The following RYR3 variants were observed in gnomAD, a reference collection of about 807,000 sequenced individuals.
RYR3 encodes brain ryanodine receptor-calcium release channel.
In RYR3, 207 loss-of-function variants were observed where a neutral mutation model predicts 584.3. The ratio of observed to expected loss-of-function variants is 0.35; its 90% confidence interval spans 0.32 to 0.40. RYR3 has a LOEUF of 0.40. RYR3 is among the 10% of genes least tolerant of loss of function. The pLI, the probability that RYR3 is intolerant of heterozygous loss-of-function variation, is 1.00. For missense variants in RYR3, 5,616 were observed against 6,089.2 expected, an observed-to-expected ratio of 0.92 and a Z score of 2.59; for synonymous variants, 2,416 against 2,248.5, an observed-to-expected ratio of 1.07 and a Z score of -2.11.
At chr15:33,522,107 A>C (rs1477890232) in intron 3 of RYR3, among the ~76,000 whole-genome samples, 3 of 150,644 alleles carry the variant, frequency 2.0e-5, no homozygotes, top group Admixed American at 6.6e-5. Context: ...AAAAAAAAAA[A>C]AAAAAACTAG....
chr15:33,827,155 C>G (rs945050300), intron 84 of RYR3, 44 bp from the exon 85 acceptor site: 4 of 1,499,378 alleles, frequency 2.7e-6, no homozygotes, highest in Non-Finnish European at 3.6e-6. Context: ...TTGGCCCCCT[C>G]GGCATGGCAG....
rs2077326239 is a variant in RYR3, at chr15:33,825,452, A to ATCAT, written c.11073-149_11073-146dup. The ATCAT allele has an allele frequency of 1.1e-4, 59 of 548,066 alleles. 1 individual carries two copies. In the South Asian group the frequency reaches 1.3e-3, roughly 12 times the overall value. The allele number at this position is 548,066 out of a possible 1,614,324, so 34.0% of individuals were successfully genotyped here. A position where few individuals can be genotyped will look rare whatever the true frequency, so the allele number is the denominator to read the frequency against. ...ACACTGCTCGGCACAAAACCAAGGAATCATTAGACTTGCAACCACCCTGGA... is the reference window on the plus strand; with the variant it reads ...ACACTGCTCGGCACAAAACCAAGGAATCATTCATTAGACTTGCAACCACCCTGGA... On this transcript the variant is annotated intron_variant, in intron 81 of 103. Coordinates refer to ENST00000634891, the MANE Select transcript of RYR3 (RefSeq NM_001036.6).
At chr15:33,331,220 T>C (rs1195265202) in intron 1 of RYR3, among the ~76,000 whole-genome samples, 4 of 152,212 alleles carry the variant, frequency 2.6e-5, no homozygotes, top group Admixed American at 6.5e-5. Flanking sequence ...AGAGTAATCT[T>C]TTAAAACGAG....
chr15:33,586,614 C>T (rs920800803), intron 16 of RYR3, among the ~76,000 whole-genome samples: 1 of 152,204 alleles, frequency 6.6e-6, no homozygotes, highest in Admixed American at 6.5e-5. Flanking sequence ...GCAAGCAGAA[C>T]TGAAGCCACT....
rs139697178 is a variant in RYR3 at position 33,770,953 on chromosome 15, T to C, written c.8817-967T>C. ...AGATGACTTGTAAGCTTTGTTCCAA[T>C]TCTAAGTTTTATGAAATACTGTAGT... On this transcript the variant is annotated intron_variant, in intron 62 of 103. Coordinates refer to ENST00000634891, the MANE Select transcript of RYR3 (RefSeq NM_001036.6). Among the ~76,000 whole-genome samples the C allele has an allele frequency of 6.2e-4, 95 of 152,346 alleles. 2 individuals carry two copies. In the East Asian group the frequency reaches 0.018, roughly 28 times the overall value.
intron 16 of RYR3, among the ~76,000 whole-genome samples, chr15:33,590,639 G>A (rs1459465038): frequency 3.9e-5 from 2 of 51,542 alleles, no homozygotes; most frequent in African/African-American, 3.7e-4. Context: ...ATTTTCATAG[G>A]GTTTTTTTTT....
intron 75 of RYR3, 135 bp downstream of exon 75, chr15:33,817,093 G>T (rs2076856131): frequency 3.6e-6 from 2 of 559,940 alleles, no homozygotes; most frequent in Non-Finnish European, 3.2e-6. Flanking sequence ...CTGTGTAAGT[G>T]CTCAGGGGAG....
intron 1 of RYR3, among the ~76,000 whole-genome samples, chr15:33,392,138 C>T (rs2042034982): frequency 2.6e-5 from 4 of 151,324 alleles, no homozygotes; most frequent in Non-Finnish European, 5.9e-5. Flanking sequence ...AGGTTAGTGT[C>T]CATCTTCTTA....
intron 38 of RYR3, among the ~76,000 whole-genome samples, chr15:33,683,457 C>T (rs1029067560): frequency 6.6e-6 from 1 of 152,174 alleles, no homozygotes; most frequent in Non-Finnish European, 1.5e-5. Context: ...CATGTATATT[C>T]ACAAGAAATA....
chr15:33,854,582 G>A (rs2303308), intron 97 of RYR3, 133 bp downstream of exon 97: 661,916 of 1,022,182 alleles, frequency 0.65, 223,218 homozygotes, highest in Non-Finnish European at 0.7. Flanking sequence ...ACGTGCTGGG[G>A]GAACACTTAT....
At chr15:33,762,117 T>A (rs2072504836) in intron 60 of RYR3, among the ~76,000 whole-genome samples, 2 of 151,294 alleles carry the variant, frequency 1.3e-5, no homozygotes, top group South Asian at 4.2e-4. Flanking sequence ...CTCAAAATAA[T>A]AGCTATTTAT....
intron 2 of RYR3, among the ~76,000 whole-genome samples, chr15:33,476,061 A>G (rs1339254729): frequency 6.6e-6 from 1 of 152,210 alleles, no homozygotes; most frequent in Admixed American, 6.5e-5. Context: ...TTTGACTTAC[A>G]AGGTCTGATT....
Position 33,837,689 on chromosome 15 carries a change from T to C in RYR3, c.11709T>C (p.Ser3903=). Residue 3903 remains serine (S), a synonymous_variant, in exon 89 of 104, where the codon TCT becomes TCC. Coordinates refer to ENST00000634891, the MANE Select transcript of RYR3 (RefSeq NM_001036.6). ...KQMVDTLVES[S]TNVEMILKFF... The stretch of plus-strand genomic sequence containing the variant: ...TGGTTGACACACTGGTAGAATCATC[T>C]ACCAATGTAGAAATGATCTTGAAAT... 6.2e-7 allele frequency: 1 copy of C among 1,607,500 alleles called. No homozygotes were observed. Among genetic ancestry groups the C allele is most frequent in the South Asian group, 1.1e-5 (1 of 89,882 alleles).
intron 2 of RYR3, among the ~76,000 whole-genome samples, chr15:33,481,376 T>G (rs1420560619): frequency 6.6e-6 from 1 of 152,204 alleles, no homozygotes; most frequent in South Asian, 2.1e-4. Flanking sequence ...CTGGATTTTG[T>G]TCTTCTGTTT....
chr15:33,788,294 G>A lies in RYR3; in HGVS notation c.9666G>A (p.Leu3222=), dbSNP rs774322897. The A allele has an allele frequency of 6.2e-6, 10 of 1,613,876 alleles. No individual in the cohort carries two copies. The highest frequency in any genetic ancestry group is 8.5e-6 in the Non-Finnish European group (10 of 1,179,886). The change falls in exon 67 of 104, where the codon CTG becomes CTA. Residue 3222 remains leucine, a synonymous_variant. Coordinates refer to ENST00000634891, the MANE Select transcript of RYR3 (RefSeq NM_001036.6). The part of the protein sequence containing the change: ...RSHFIPTLEK[L]KKKAVKTVQE... ...ACTTCATCCCAACTCTGGAGAAGCT[G>A]AAGAAAAAGGCTGTCAAGACGGTGC...
At chr15:33,669,844 G>GTA (rs559746521) in intron 37 of RYR3, among the ~76,000 whole-genome samples, 1 of 40,854 alleles carries the variant, frequency 2.4e-5, no homozygotes, top group Non-Finnish European at 4.3e-5. Context: ...GTGTGTGTGT[G>GTA]GGGGGGGGGG....
intron 1 of RYR3, among the ~76,000 whole-genome samples, chr15:33,368,064 G>T (rs1346793671): frequency 6.6e-6 from 1 of 152,124 alleles, no homozygotes; most frequent in Non-Finnish European, 1.5e-5. Flanking sequence ...TTCATATTTT[G>T]TTATCCTGTC....
Position 33,566,797 on chromosome 15 carries a change from C to A in RYR3, c.1266C>A (p.Val422=), listed in dbSNP as rs2057740490. 2 of 1,613,530 alleles carry A rather than the reference C, an allele frequency of 1.2e-6. No homozygotes were observed. Among genetic ancestry groups the A allele is most frequent in the African/African-American group, 1.3e-5 (1 of 74,908 alleles). Residue 422 remains valine, a splice_region_variant and synonymous_variant, in exon 12 of 104, where the codon GTC becomes GTA. Coordinates refer to ENST00000634891, the MANE Select transcript of RYR3 (RefSeq NM_001036.6). Reference sequence around the variant, plus strand: ...CTACAGCCTTATTCAGCCAGTTTGTCAGGTATGTTAGCTCCTTTCCTCCTC... The same window carrying A: ...CTACAGCCTTATTCAGCCAGTTTGTAAGGTATGTTAGCTCCTTTCCTCCTC... ...RNTTALFSQF[V]SGNNRTAAPI...
At chr15:33,587,049 A>G (rs1002134356) in intron 16 of RYR3, among the ~76,000 whole-genome samples, 1 of 152,118 alleles carries the variant, frequency 6.6e-6, no homozygotes, top group African/African-American at 2.4e-5. Context: ...GAGACAGCTC[A>G]GTGTGTCCGG....
Sources: gnomAD v4.1 joint callset for allele counts (sites outside exome capture counted in the v4.1 genomes callset) on GRCh38, gnomAD v4.1.1 for gene constraint, MANE v1.5 for transcripts, NCBI Gene and HGNC (gene_info 2026-07-23, HGNC 2026-07-21) for gene names.